PHACTR3: variants seen among roughly 807,000 people sequenced by gnomAD.
The protein encoded by PHACTR3 is phosphatase and actin regulator 3, also known as protein phosphatase 1, regulatory subunit 123.
In PHACTR3, 16 loss-of-function variants were observed where a neutral mutation model predicts 66.8. The ratio of observed to expected loss-of-function variants is 0.24; its 90% CI spans 0.16 to 0.36. The LOEUF (loss-of-function observed/expected upper bound fraction) is 0.36, where lower values mean the gene tolerates loss of function less well. PHACTR3 is among the 10% of genes least tolerant of loss of function. The probability of loss-of-function intolerance (pLI) is 1.00; values close to 1 mark genes in which losing one functional copy is unlikely to be tolerated. For synonymous variants in PHACTR3, 323 were observed against 292.1 expected, an observed-to-expected ratio of 1.11 and a Z score of -1.08; for missense variants, 647 against 719.9, an observed-to-expected ratio of 0.90 and a Z score of 1.16.
chr20:59,776,964 T>C (rs1011699681), intron 7 of PHACTR3, among the ~76,000 whole-genome samples: 1 of 152,222 alleles, frequency 6.6e-6, no homozygotes, highest in Non-Finnish European at 1.5e-5. Context: ...TGTAACACCT[T>C]ATCATCTGCT....
chr20:59,619,002 G>A (rs143512482), intron 1 of PHACTR3, among the ~76,000 whole-genome samples: 11 of 152,194 alleles, frequency 7.2e-5, no homozygotes, highest in Non-Finnish European at 1.5e-4. Flanking sequence ...GTGGGCAAAG[G>A]TTCTTTTCCT....
intron 1 of PHACTR3, among the ~76,000 whole-genome samples, chr20:59,698,794 A>G (rs1026844293): frequency 3.3e-5 from 5 of 152,186 alleles, no homozygotes; most frequent in Non-Finnish European, 5.9e-5. Flanking sequence ...AGAACTCTCC[A>G]TGGTACTAGT....
At chr20:59,806,295 AACCC>A in intron 8 of PHACTR3, 101 bp downstream of exon 8, 1 of 1,452,724 alleles carries the variant, frequency 6.9e-7, no homozygotes, top group South Asian at 1.4e-5. Context: ...CGGGACGCAC[AACCC>A]ACCGTCTGCA....
intron 1 of PHACTR3, among the ~76,000 whole-genome samples, chr20:59,581,055 T>C (rs35210282): frequency 0.037 from 5,669 of 152,274 alleles, 173 homozygotes; most frequent in Middle Eastern, 0.065. Context: ...GAAATGGAGC[T>C]GGCATCCCCG....
At chr20:59,723,098 C>CTTTCTT (rs1395222576) in intron 1 of PHACTR3, among the ~76,000 whole-genome samples, 1 of 138,822 alleles carries the variant, frequency 7.2e-6, no homozygotes, top group African/African-American at 2.7e-5. Flanking sequence ...TTCTTTCTTT[C>CTTTCTT]TTTCTTTCTT....
intron 1 of PHACTR3, among the ~76,000 whole-genome samples, chr20:59,715,870 G>C (rs1287776787): frequency 6.6e-6 from 1 of 152,080 alleles, no homozygotes; most frequent in Non-Finnish European, 1.5e-5. Context: ...TGATTCATTT[G>C]TATATTTATT....
intron 1 of PHACTR3, among the ~76,000 whole-genome samples, chr20:59,634,339 A>G (rs2034774569): frequency 6.6e-6 from 1 of 152,246 alleles, no homozygotes; most frequent in Non-Finnish European, 1.5e-5. Context: ...CCTCCTTCAT[A>G]AAATGGGCAC....
chr20:59,840,777 C>T (rs1442967169), intron 10 of PHACTR3, among the ~76,000 whole-genome samples: 1 of 152,232 alleles, frequency 6.6e-6, no homozygotes, highest in African/African-American at 2.4e-5. Context: ...GTTTTAGTCA[C>T]ATTTTACACT....
chr20:59,729,600 G>A (rs1047472358), intron 1 of PHACTR3, among the ~76,000 whole-genome samples: 5 of 152,138 alleles, frequency 3.3e-5, no homozygotes, highest in African/African-American at 1.2e-4. Flanking sequence ...AGCCATGGGT[G>A]ACCTTTAAGG....
At chr20:59,786,977 G>A (rs2426836) in intron 7 of PHACTR3, among the ~76,000 whole-genome samples, 148,425 of 152,248 alleles carry the variant, frequency 0.97, 72,379 homozygotes, top group East Asian at 1. Flanking sequence ...TCCAACGTGC[G>A]TGTGTTATTT....
intron 1 of PHACTR3, among the ~76,000 whole-genome samples, chr20:59,613,599 C>T (rs967776468): frequency 4.6e-5 from 7 of 152,122 alleles, no homozygotes; most frequent in African/African-American, 9.7e-5. Context: ...GAGCAGGTTC[C>T]GCGGAAGGGG....
intron 11 of PHACTR3, among the ~76,000 whole-genome samples, chr20:59,843,032 TAC>T (rs201416193): frequency 0.013 from 1,942 of 152,172 alleles, 40 homozygotes; most frequent in African/African-American, 0.042. Context: ...AGCCATAGGA[TAC>T]ACAAAATCAC....
chr20:59,600,048 C>T (rs762830183), upstream of PHACTR3, among the ~76,000 whole-genome samples: 4 of 152,198 alleles, frequency 2.6e-5, no homozygotes, highest in Non-Finnish European at 4.4e-5. Flanking sequence ...GTCATCCCCT[C>T]TTTGTGGCTG....
intron 1 of PHACTR3, among the ~76,000 whole-genome samples, chr20:59,696,664 C>G (rs1239887643): frequency 2.0e-5 from 3 of 152,194 alleles, no homozygotes; most frequent in Non-Finnish European, 4.4e-5. Context: ...TAAGGAGCAG[C>G]TCCTGCCCTG....
intron 8 of PHACTR3, among the ~76,000 whole-genome samples, chr20:59,810,181 C>T (rs1407820570): frequency 6.6e-6 from 1 of 152,176 alleles, no homozygotes; most frequent in East Asian, 1.9e-4. Context: ...TGCCTGGGGT[C>T]CCCACCGCCG....
At chr20:59,760,830 C>T (rs1373371667) in intron 4 of PHACTR3, among the ~76,000 whole-genome samples, 1 of 152,090 alleles carries the variant, frequency 6.6e-6, no homozygotes, top group Non-Finnish European at 1.5e-5. Context: ...GAGTTCTGGC[C>T]TTCCCACAAG....
chr20:59,689,010 A>G (rs2037000613), intron 1 of PHACTR3, among the ~76,000 whole-genome samples: 1 of 152,112 alleles, frequency 6.6e-6, no homozygotes, highest in Non-Finnish European at 1.5e-5. Context: ...CAAGGCACAT[A>G]TTTGCATCCT....
In PHACTR3 at chr20:59,721,996, C is replaced by T. The variant is rs368808705; in HGVS notation, c.119-21111C>T. On this transcript the variant is annotated intron_variant, in intron 1 of 12. Coordinates refer to ENST00000371015, the MANE Select transcript of PHACTR3 (RefSeq NM_080672.5). ...CTGTAATCCCAGCACTTTGGGAGGC[C>T]GATGCAGGCAGATCACAAGGTCAGG... Among the ~76,000 whole-genome samples the T allele has an allele frequency of 1.6e-4, 25 of 152,164 alleles. No homozygotes were observed. The East Asian group carries it at 2.5e-3, about 15-fold the overall frequency.
chr20:59,690,998 A>G (rs1439142958), intron 1 of PHACTR3, among the ~76,000 whole-genome samples: 1 of 152,178 alleles, frequency 6.6e-6, no homozygotes, highest in Non-Finnish European at 1.5e-5. Flanking sequence ...ACAGGGCTTG[A>G]GTATGATCTG....
Sources: gnomAD v4.1 joint callset for allele counts (sites outside exome capture counted in the v4.1 genomes callset) on GRCh38, gnomAD v4.1.1 for gene constraint, MANE v1.5 for transcripts, NCBI Gene and HGNC (gene_info 2026-07-23, HGNC 2026-07-21) for gene names.